The following EYS variants were observed in gnomAD, a reference collection of about 807,000 sequenced individuals.
The protein encoded by EYS is protein eyes shut homolog.
Under a neutral mutation model 282.1 loss-of-function variants are expected in EYS, and 250 were observed. That is an observed-to-expected ratio of 0.89 (90% CI 0.80 to 0.98). The LOEUF is 0.98. Ranked by LOEUF, EYS falls within the 50% of genes least tolerant of loss-of-function variation. The pLI, the probability that EYS is intolerant of heterozygous loss-of-function variation, is 0.00. For missense variants in EYS, 4,016 were observed against 3,709.0 expected (o/e 1.08, Z -2.15); for synonymous variants, 1,355 against 1,282.9 (o/e 1.06, Z -1.20).
At chr6:63,932,088 C>T (rs1443800383) in intron 35 of EYS, among the ~76,000 whole-genome samples, 2 of 152,154 alleles carry the variant, frequency 1.3e-5, no homozygotes, top group Non-Finnish European at 2.9e-5. Context: ...TGAGAATATG[C>T]GGTTCTATGT....
intron 15 of EYS, among the ~76,000 whole-genome samples, chr6:64,945,039 A>G (rs929892365): frequency 6.6e-6 from 1 of 151,666 alleles, no homozygotes; most frequent in Non-Finnish European, 1.5e-5. Context: ...GATAATAATC[A>G]ATAAAAGCTG....
At chr6:65,218,008 T>G (rs1217234704) in intron 12 of EYS, among the ~76,000 whole-genome samples, 1 of 152,086 alleles carries the variant, frequency 6.6e-6, no homozygotes, top group Admixed American at 6.6e-5. Flanking sequence ...TAACCTTTAC[T>G]GAGGATGTCA....
intron 12 of EYS, among the ~76,000 whole-genome samples, chr6:65,264,459 CA>C (rs1277016359): frequency 5.9e-5 from 9 of 151,962 alleles, no homozygotes; most frequent in Non-Finnish European, 1.2e-4. Flanking sequence ...CTTAAAACAC[CA>C]AAAGTTTAGA....
chr6:65,704,352 T>C (rs559977329), intron 1 of EYS, among the ~76,000 whole-genome samples: 2 of 152,346 alleles, frequency 1.3e-5, no homozygotes, highest in African/African-American at 4.8e-5. Flanking sequence ...AACTGCAAAG[T>C]TAATGAGTAA....
intron 29 of EYS, among the ~76,000 whole-genome samples, chr6:64,346,155 G>A (rs1771384152): frequency 6.6e-6 from 1 of 151,952 alleles, no homozygotes; most frequent in Non-Finnish European, 1.5e-5. Context: ...GGTTCCTCAG[G>A]GATCTAGAAC....
At chr6:63,822,520 G>C (rs1430624001) in intron 36 of EYS, 1 of 152,192 alleles carries the variant, frequency 6.6e-6, no homozygotes, top group Non-Finnish European at 1.5e-5. Flanking sequence ...GACCATGTCT[G>C]AACTTTCATT....
chr6:64,380,013 A>AT (rs1459241275), intron 29 of EYS, among the ~76,000 whole-genome samples: 6 of 152,108 alleles, frequency 3.9e-5, no homozygotes, highest in Non-Finnish European at 8.8e-5. Context: ...CAAGCCTGGT[A>AT]TTTTTTCTAT....
At chr6:64,432,469 G>A (rs1774601770) in intron 28 of EYS, among the ~76,000 whole-genome samples, 1 of 151,222 alleles carries the variant, frequency 6.6e-6, no homozygotes, top group South Asian at 2.1e-4. Flanking sequence ...ATGGAAAAAG[G>A]CCCATAATAC....
rs1429114436 is a variant in EYS at position 63,795,437 on chromosome 6, G to T, written c.7412-6213C>A. ...GAAAAGAGCAAAGTAGTTGAGACAAGAGTGTCAGGACATTCTAAGCAGTCT... is the reference window on the plus strand; with the variant it reads ...GAAAAGAGCAAAGTAGTTGAGACAATAGTGTCAGGACATTCTAAGCAGTCT... On this transcript the variant is annotated intron_variant, in intron 37 of 42. Transcript: ENST00000503581. 2.6e-5 allele frequency among the ~76,000 whole-genome samples: 4 copies of T among 152,220 alleles called. No individual in the cohort carries two copies. In the South Asian group the frequency reaches 6.2e-4, roughly 24 times the overall value.
At position 65,330,482 on chromosome 6, in the gene EYS, G is replaced by GATTA; in HGVS notation, c.1766+4497_1766+4498insTAAT. On this transcript the variant is annotated intron_variant, in intron 11 of 42. Coordinates refer to ENST00000503581, the MANE Select transcript of EYS (RefSeq NM_001142800.2). Reference sequence around the variant, plus strand: ...ATATGGCTGGTATGATTTAGTCTTTGGCTCATTAAACATTTTATAAACCCC... The same window carrying GATTA: ...ATATGGCTGGTATGATTTAGTCTTTGATTAGCTCATTAAACATTTTATAAACCCC... 3.0e-6 allele frequency: 3 copies of GATTA among 984,082 alleles called. No individual in the cohort carries two copies. In the South Asian group the frequency reaches 1.4e-4, roughly 46 times the overall value. The allele number at this position is 984,082 out of a possible 1,614,324, so 61.0% of individuals were successfully genotyped here.
intron 36 of EYS, among the ~76,000 whole-genome samples, chr6:63,828,243 T>C (rs1771528809): frequency 6.6e-6 from 1 of 152,016 alleles, no homozygotes; most frequent in South Asian, 2.1e-4. Context: ...AGATCAGAAC[T>C]AAATGAAATT....
At chr6:64,872,222 G>A (rs1766619536) in intron 19 of EYS, among the ~76,000 whole-genome samples, 1 of 151,974 alleles carries the variant, frequency 6.6e-6, no homozygotes, top group East Asian at 1.9e-4. Flanking sequence ...TGAAATGTAT[G>A]CCCAATGTTT....
At chr6:64,738,905 C>G (rs559964249) in intron 22 of EYS, among the ~76,000 whole-genome samples, 1 of 152,264 alleles carries the variant, frequency 6.6e-6, no homozygotes, top group South Asian at 2.1e-4. Context: ...TTACAGATGC[C>G]TGCCACCACA....
intron 12 of EYS, among the ~76,000 whole-genome samples, chr6:65,194,371 A>T: frequency 6.6e-6 from 1 of 152,016 alleles, no homozygotes; most frequent in East Asian, 1.9e-4. Flanking sequence ...TGAAAGAAAC[A>T]ACAGAATATT....
At chr6:64,616,398 C>G (rs1323952399) in intron 24 of EYS, among the ~76,000 whole-genome samples, 2 of 152,054 alleles carry the variant, frequency 1.3e-5, no homozygotes, top group Non-Finnish European at 2.9e-5. Context: ...TTAGAGAATT[C>G]TCAGAGAAAG....
intron 5 of EYS, among the ~76,000 whole-genome samples, chr6:65,410,374 C>T (rs1280463838): frequency 6.6e-6 from 1 of 151,966 alleles, no homozygotes; most frequent in East Asian, 1.9e-4. Context: ...TCACCTCATG[C>T]CTTTATCATT....
At chr6:64,389,805 C>T (rs1773046075) in intron 28 of EYS, among the ~76,000 whole-genome samples, 1 of 152,178 alleles carries the variant, frequency 6.6e-6, no homozygotes, top group Non-Finnish European at 1.5e-5. Flanking sequence ...CGGTCTACAG[C>T]TCCCAGCGTG....
Position 64,637,351 on chromosome 6 carries a change from A to C in EYS, c.3444-11106T>G, listed in dbSNP as rs1394145489. ...AGCAAACTATCGCAAGGACAAAAAA[A>C]CAAACACCACATGTTCTCACTCATA... On this transcript the variant is annotated intron_variant, in intron 22 of 42. Coordinates refer to ENST00000503581, the MANE Select transcript of EYS (RefSeq NM_001142800.2). Among the ~76,000 whole-genome samples, 11 of 86,332 alleles carry C rather than the reference A, an allele frequency of 1.3e-4. 4 individuals are homozygous for C. Among genetic ancestry groups the C allele is most frequent in the East Asian group, 2.6e-4 (1 of 3,880 alleles). The allele number at this position is 86,332 out of a possible 152,430, so 56.6% of individuals were successfully genotyped here. A position where few individuals can be genotyped will look rare whatever the true frequency, so the allele number is the denominator to read the frequency against.
chr6:63,824,258 C>A (rs1000280164), intron 36 of EYS, among the ~76,000 whole-genome samples: 5 of 152,104 alleles, frequency 3.3e-5, no homozygotes, highest in Admixed American at 2.0e-4. Context: ...TGCCAATTCC[C>A]ACTAAGTGAT....
Sources: gnomAD v4.1 joint callset for allele counts (sites outside exome capture counted in the v4.1 genomes callset) on GRCh38, gnomAD v4.1.1 for gene constraint, MANE v1.5 for transcripts, NCBI Gene and HGNC (gene_info 2026-07-23, HGNC 2026-07-21) for gene names.